The following GALNT18 variants were observed in gnomAD, a reference collection of about 807,000 sequenced individuals.
The protein encoded by GALNT18 is polypeptide N-acetylgalactosaminyltransferase 18, also known as GalNAc-transferase 18.
A neutral mutation model predicts 69.5 loss-of-function variants in GALNT18; 44 were observed. The ratio of observed to expected loss-of-function variants is 0.63; its 90% CI spans 0.50 to 0.81. GALNT18 has a LOEUF of 0.81. Ranked by LOEUF, GALNT18 falls within the 40% of genes least tolerant of loss-of-function variation. GALNT18 has a pLI of 0.00. For synonymous variants in GALNT18, 364 were observed against 318.2 expected, an observed-to-expected ratio of 1.14 and a Z score of -1.53; for missense variants, 715 against 810.0, an observed-to-expected ratio of 0.88 and a Z score of 1.42.
At chr11:11,464,430 T>G (rs1448371982) in intron 1 of GALNT18, among the ~76,000 whole-genome samples, 1 of 152,190 alleles carries the variant, frequency 6.6e-6, no homozygotes, top group Non-Finnish European at 1.5e-5. Context: ...GGCACCCTGA[T>G]GCACAGCCTG....
At chr11:11,585,668 T>C (rs986667733) in intron 1 of GALNT18, among the ~76,000 whole-genome samples, 2 of 152,196 alleles carry the variant, frequency 1.3e-5, no homozygotes, top group Non-Finnish European at 2.9e-5. Flanking sequence ...AAAATCTTTT[T>C]CATACTTCAA....
chr11:11,551,398 T>C (rs1421344803), intron 1 of GALNT18, among the ~76,000 whole-genome samples: 1 of 152,188 alleles, frequency 6.6e-6, no homozygotes, highest in Non-Finnish European at 1.5e-5. Flanking sequence ...ACCCCATGAC[T>C]TCCCTTCCAC....
chr11:11,286,904 T>C (rs1371006409), intron 10 of GALNT18, among the ~76,000 whole-genome samples: 2 of 152,222 alleles, frequency 1.3e-5, no homozygotes, highest in Non-Finnish European at 2.9e-5. Flanking sequence ...GTTTGCCATC[T>C]AACTTCGGGA....
At chr11:11,313,733 T>C (rs1410922010) in intron 9 of GALNT18, among the ~76,000 whole-genome samples, 1 of 152,206 alleles carries the variant, frequency 6.6e-6, no homozygotes, top group South Asian at 2.1e-4. Flanking sequence ...TGTGTAACCT[T>C]GAGCAAGTTA....
In GALNT18 at chr11:11,374,380, C is replaced by T. The variant is rs111578781; in HGVS notation, c.978-1751G>A. On this transcript the variant is annotated intron_variant, in intron 5 of 10. Transcript: ENST00000227756. ...TGGGACATAACTGGCACTCAAAAGG[C>T]CATTTAAAAAGGTAAAAAGATGCAA... Among the ~76,000 whole-genome samples the T allele has an allele frequency of 2.3e-4, 35 of 152,292 alleles. 1 individual carries two copies. The highest frequency in any genetic ancestry group is 8.4e-4 in the African/African-American group (35 of 41,564).
At position 11,346,816 on chromosome 11, in the gene GALNT18, A is replaced by T. The variant is rs1379482912; in HGVS notation, c.1093-5812T>A. Among the ~76,000 whole-genome samples, 3 of 152,134 alleles carry T rather than the reference A, an allele frequency of 2.0e-5. No individual in the cohort carries two copies. In the East Asian group the frequency reaches 5.8e-4, roughly 29 times the overall value. ...CTGTTATCGCTTCTGAAGAGGCTTGAAACACCCACCCAGAAATACAAGAAA... is the reference window on the plus strand; with the variant it reads ...CTGTTATCGCTTCTGAAGAGGCTTGTAACACCCACCCAGAAATACAAGAAA... On this transcript the variant is annotated intron_variant, in intron 6 of 10. Transcript: ENST00000227756.
In GALNT18 at chr11:11,555,942, C is replaced by T. The variant is rs1007958031; in HGVS notation, c.235+65417G>A. Among the ~76,000 whole-genome samples, 13 of 152,206 alleles carry T rather than the reference C, an allele frequency of 8.5e-5. No individual in the cohort carries two copies. Among genetic ancestry groups the T allele is most frequent in the Admixed American group, 8.5e-4 (13 of 15,276 alleles). ...ATCATCTGAACGTTGATCTGGTTTG[C>T]TTTCCCTTATTTCCTCTGAGTCCTC... On this transcript the variant is annotated intron_variant, in intron 1 of 10. Transcript: ENST00000227756. This position sits in a 1 kb window ranked among gnomAD's most constrained non-coding sequence, Gnocchi z 4.7.
chr11:11,606,129 C>CCAGA lies in GALNT18; in HGVS notation c.235+15226_235+15229dup, dbSNP rs1434089606. On this transcript the variant is annotated intron_variant, in intron 1 of 10. Coordinates refer to ENST00000227756, the MANE Select transcript of GALNT18 (RefSeq NM_198516.3). This position sits in a 1 kb window ranked among gnomAD's most constrained non-coding sequence, Gnocchi z 5.4. ...GCTTCCCTTCCAGGCAGTCTTAAAG[C>CCAGA]CAGAGGTCTGGATGTGAATCCTAGC... Among the ~76,000 whole-genome samples the CCAGA allele has an allele frequency of 6.6e-6, 1 of 152,184 alleles. No homozygotes were observed. Among genetic ancestry groups the CCAGA allele is most frequent in the Non-Finnish European group, 1.5e-5 (1 of 68,050 alleles).
intron 9 of GALNT18, among the ~76,000 whole-genome samples, chr11:11,306,549 T>C (rs1849582121): frequency 6.6e-6 from 1 of 152,228 alleles, no homozygotes; most frequent in African/African-American, 2.4e-5. Flanking sequence ...CTCATGTCTT[T>C]ATTGGATGTT....
chr11:11,284,220 TAC>T (rs534850997), intron 10 of GALNT18, among the ~76,000 whole-genome samples: 191 of 152,322 alleles, frequency 1.3e-3, no homozygotes, highest in African/African-American at 4.5e-3. Context: ...CCCAGGTTAT[TAC>T]ACAGCCAAGC....
chr11:11,581,797 T>G (rs1026571019), intron 1 of GALNT18, among the ~76,000 whole-genome samples: 1 of 152,094 alleles, frequency 6.6e-6, no homozygotes, highest in Non-Finnish European at 1.5e-5. Context: ...AGGGAGAGGT[T>G]GTGCTTATTC....
intron 1 of GALNT18, among the ~76,000 whole-genome samples, chr11:11,485,094 G>A (rs550876914): frequency 6.6e-6 from 1 of 152,332 alleles, no homozygotes; most frequent in Admixed American, 6.5e-5. Context: ...GGGACAACAT[G>A]TTTATTAGGT....
rs1470123492 is a variant in GALNT18 at position 11,523,350 on chromosome 11, G to T, written c.236-74414C>A. On this transcript the variant is annotated intron_variant, in intron 1 of 10. Transcript: ENST00000227756. This position sits in a 1 kb window ranked among gnomAD's most constrained non-coding sequence, Gnocchi z 4.3. The stretch of plus-strand genomic sequence containing the variant: ...CAATGTCACAGGTGAGGAAATGGAG[G>T]CTCATGGAAGTTAAGTAGCTTGCTT... 6.6e-6 allele frequency among the ~76,000 whole-genome samples: 1 copy of T among 152,150 alleles called. No individual in the cohort carries two copies. Among genetic ancestry groups the T allele is most frequent in the East Asian group, 1.9e-4 (1 of 5,186 alleles).
chr11:11,376,061 C>T (rs1297342452), intron 5 of GALNT18, among the ~76,000 whole-genome samples: 2 of 152,162 alleles, frequency 1.3e-5, no homozygotes, highest in African/African-American at 2.4e-5. Context: ...TCGCAGGGAA[C>T]ATAAAGACAC....
rs1177692742 is a variant in GALNT18 at position 11,602,766 on chromosome 11, A to G, written c.235+18593T>C. Among the ~76,000 whole-genome samples the G allele has an allele frequency of 1.3e-5, 2 of 152,174 alleles. No homozygotes were observed. Among genetic ancestry groups the G allele is most frequent in the East Asian group, 3.9e-4 (2 of 5,188 alleles). Reference sequence around the variant, plus strand: ...AACCCCCTGTGATTTGCACTGCAAAAAAAGAGAGAATCATTTAGAGAACAG... The same window carrying G: ...AACCCCCTGTGATTTGCACTGCAAAGAAAGAGAGAATCATTTAGAGAACAG... On this transcript the variant is annotated intron_variant, in intron 1 of 10. Transcript: ENST00000227756. This position sits in a 1 kb window ranked among gnomAD's most constrained non-coding sequence, Gnocchi z 4.7.
intron 3 of GALNT18, among the ~76,000 whole-genome samples, chr11:11,419,668 A>T: frequency 6.6e-6 from 1 of 151,912 alleles, no homozygotes; most frequent in East Asian, 1.9e-4. Context: ...AAAAAATACA[A>T]GTGCAGTAAG....
rs529335478 is a variant in GALNT18 at position 11,508,244 on chromosome 11, T to C, written c.236-59308A>G. Among the ~76,000 whole-genome samples, 38 of 152,300 alleles carry C rather than the reference T, an allele frequency of 2.5e-4. No individual in the cohort carries two copies. The South Asian group carries it at 4.1e-3, about 17-fold the overall frequency. On this transcript the variant is annotated intron_variant, in intron 1 of 10. Coordinates refer to ENST00000227756, the MANE Select transcript of GALNT18 (RefSeq NM_198516.3). ...CATTCCCTCTACACACATATACCCT[T>C]TTTTGTTTTTTAAATCATTGACATT...
rs968600821 is a variant in GALNT18, at chr11:11,555,406, C to T, written c.235+65953G>A. Among the ~76,000 whole-genome samples the T allele has an allele frequency of 1.3e-5, 2 of 152,240 alleles. No homozygotes were observed. The highest frequency in any genetic ancestry group is 4.8e-5 in the African/African-American group (2 of 41,464). ...ACGCTCCAGTGCTTAGGAGCTCAGA[C>T]TGCGACAGCATCAGCCCAGGAGTGG... On this transcript the variant is annotated intron_variant, in intron 1 of 10. Transcript: ENST00000227756. This position sits in a 1 kb window ranked among gnomAD's most constrained non-coding sequence, Gnocchi z 4.7.
chr11:11,436,680 T>A lies in GALNT18; in HGVS notation c.429-3893A>T, dbSNP rs144602622. Reference sequence around the variant, plus strand: ...TCTTCACCTCAACACTGAAGCAGAATGTACATTGCTGAAGGGCAGGGGCAA... The same window carrying A: ...TCTTCACCTCAACACTGAAGCAGAAAGTACATTGCTGAAGGGCAGGGGCAA... On this transcript the variant is annotated intron_variant, in intron 2 of 10. Transcript: ENST00000227756. This position sits in a 1 kb window ranked among gnomAD's most constrained non-coding sequence, Gnocchi z 4.5. 2.0e-5 allele frequency among the ~76,000 whole-genome samples: 3 copies of A among 152,174 alleles called. No homozygotes were observed. Among genetic ancestry groups the A allele is most frequent in the African/African-American group, 7.2e-5 (3 of 41,436 alleles).
Sources: gnomAD v4.1 joint callset for allele counts (sites outside exome capture counted in the v4.1 genomes callset) on GRCh38, gnomAD v4.1.1 for gene constraint, Gnocchi (gnomAD v3.1) non-coding constraint, MANE v1.5 for transcripts, NCBI Gene and HGNC (gene_info 2026-07-23, HGNC 2026-07-21) for gene names.